The following FAM193A variants were observed in gnomAD, a reference collection of about 807,000 sequenced individuals.
FAM193A encodes family with sequence similarity 193 member A.
A neutral mutation model predicts 126.5 loss-of-function variants in FAM193A; 22 were observed. The ratio of observed to expected loss-of-function variants is 0.17; its 90% confidence interval spans 0.12 to 0.25. The LOEUF (loss-of-function observed/expected upper bound fraction) is 0.25. Ranked by LOEUF, FAM193A falls within the 10% of genes least tolerant of loss-of-function variation. The pLI is 1.00. For missense variants in FAM193A, 1,675 were observed against 1,672.8 expected (o/e 1.00, Z -0.02); for synonymous variants, 761 against 646.8 (o/e 1.18, Z -2.68).
rs145943871 is a variant in FAM193A, at chr4:2,665,739, C to T, written c.2079+2451C>T. Among the ~76,000 whole-genome samples, 428 of 152,366 alleles carry T rather than the reference C, an allele frequency of 2.8e-3. 1 individual carries two copies. The highest frequency in any genetic ancestry group is 7.7e-3 in the African/African-American group (321 of 41,584). On this transcript the variant is annotated intron_variant, in intron 12 of 20. Transcript: ENST00000637812. ...AGAGGGTCTCACTATGTTGCCCAGG[C>T]TGGTCTTGAACTTCTGGCCTCAAGC...
intron 7 of FAM193A, among the ~76,000 whole-genome samples, chr4:2,648,966 C>A (rs1012288984): frequency 2.6e-5 from 4 of 152,256 alleles, no homozygotes; most frequent in Admixed American, 6.5e-5. Flanking sequence ...TGTCCCGGAT[C>A]TGCCCCATGA....
chr4:2,687,721 C>G (rs1380389687), intron 13 of FAM193A, among the ~76,000 whole-genome samples: 1 of 152,342 alleles, frequency 6.6e-6, no homozygotes, highest in East Asian at 1.9e-4. Context: ...TCTGGTTCAT[C>G]CACAGCATTG....
chr4:2,538,028 C>G (rs888259790), intron 1 of FAM193A, among the ~76,000 whole-genome samples: 1 of 152,146 alleles, frequency 6.6e-6, no homozygotes, highest in Non-Finnish European at 1.5e-5. Flanking sequence ...TTGGCGCAGT[C>G]ATTTCCAGTT....
chr4:2,574,937 C>T (rs767719712), intron 1 of FAM193A, among the ~76,000 whole-genome samples: 2 of 152,128 alleles, frequency 1.3e-5, no homozygotes, highest in Non-Finnish European at 2.9e-5. Flanking sequence ...CTTTTGGGTT[C>T]GTGACCCGCC....
chr4:2,673,347 C>T (rs1009289092), intron 13 of FAM193A, among the ~76,000 whole-genome samples: 1 of 152,132 alleles, frequency 6.6e-6, no homozygotes, highest in Non-Finnish European at 1.5e-5. Flanking sequence ...TGTGTTTTCT[C>T]CCCTCTAGGG....
chr4:2,681,155 C>G (rs1715068534), intron 13 of FAM193A, among the ~76,000 whole-genome samples: 1 of 151,892 alleles, frequency 6.6e-6, no homozygotes, highest in Non-Finnish European at 1.5e-5. Context: ...ACTCCCAGCC[C>G]CTTTTATTTC....
intron 1 of FAM193A, among the ~76,000 whole-genome samples, chr4:2,550,801 T>G (rs1278128912): frequency 2.6e-5 from 3 of 114,608 alleles, no homozygotes; most frequent in African/African-American, 9.9e-5. Context: ...ATTTATTTAT[T>G]TATTTATTTA....
chr4:2,712,461 C>T (rs1273920028), intron 19 of FAM193A, among the ~76,000 whole-genome samples: 1 of 152,096 alleles, frequency 6.6e-6, no homozygotes, highest in Admixed American at 6.6e-5. Flanking sequence ...GTGCTTTGTG[C>T]CTGCGGCCTA....
chr4:2,718,708 C>T (rs114894702), intron 20 of FAM193A, among the ~76,000 whole-genome samples: 3,267 of 151,916 alleles, frequency 0.022, 131 homozygotes, highest in African/African-American at 0.074. Flanking sequence ...ACCTGGGTGA[C>T]GAGAGCCCTG....
chr4:2,692,062 C>T (rs1716449171), intron 15 of FAM193A, among the ~76,000 whole-genome samples: 1 of 152,176 alleles, frequency 6.6e-6, no homozygotes, highest in Non-Finnish European at 1.5e-5. Context: ...CCATAGGGTA[C>T]TGACAGATTA....
chr4:2,620,299 A>C (rs1350877998), intron 2 of FAM193A, among the ~76,000 whole-genome samples: 1 of 152,056 alleles, frequency 6.6e-6, no homozygotes, highest in Non-Finnish European at 1.5e-5. Context: ...TGCTTTTCTG[A>C]GTGTACTGCG....
chr4:2,581,046 G>A lies in FAM193A; in HGVS notation c.256-15038G>A, dbSNP rs925302805. Among the ~76,000 whole-genome samples, 4 of 151,698 alleles carry A rather than the reference G, an allele frequency of 2.6e-5. No individual in the cohort carries two copies. The South Asian group carries it at 6.3e-4, about 24-fold the overall frequency. ...CGGGAGGCTGAGGCAGGAGAATGGC[G>A]TGAACCCGGGAGGCGGAGGTTGCAG... On this transcript the variant is annotated intron_variant, in intron 1 of 20. Transcript: ENST00000637812.
At chr4:2,538,459 C>G (rs137974253) in intron 1 of FAM193A, among the ~76,000 whole-genome samples, 1 of 151,986 alleles carries the variant, frequency 6.6e-6, no homozygotes, top group Non-Finnish European at 1.5e-5. Context: ...TCCCAAAGTG[C>G]TGGGATTACA....
In FAM193A at chr4:2,700,427, A is replaced by T. The variant is rs1255402017; in HGVS notation, c.4255A>T (p.Thr1419Ser). 6.2e-7 allele frequency: 1 copy of T among 1,614,150 alleles called. No individual in the cohort carries two copies. The highest frequency in any genetic ancestry group is 1.1e-5 in the South Asian group (1 of 91,082). Residue 1419 changes from threonine to serine, a missense_variant, in exon 19 of 21, where the codon ACC (threonine) becomes TCC (serine). Thr to Ser is a moderately conservative substitution (Grantham distance 58). Coordinates refer to ENST00000637812, the MANE Select transcript of FAM193A (RefSeq NM_001366318.2). ...GTCAAACCCAACCCCTATGGAGCCCACCTCTCCCGGTGAGCATCAGCAGAA... is the reference window on the plus strand; with the variant it reads ...GTCAAACCCAACCCCTATGGAGCCCTCCTCTCCCGGTGAGCATCAGCAGAA... ...EKSNPTPMEP[T>S]SPGEHQQNSK...
chr4:2,708,090 T>A, intron 19 of FAM193A: 2 of 437,734 alleles, frequency 4.6e-6, no homozygotes, highest in Non-Finnish European at 9.1e-6. Context: ...CCTAACTGGT[T>A]ATTTATTTGT....
Position 2,639,827 on chromosome 4 carries a change from G to A in FAM193A, c.1131G>A (p.Gln377=). Residue 377 remains glutamine, a synonymous_variant, in exon 6 of 21, where the codon CAG becomes CAA. Transcript: ENST00000637812. ...ENLVFSEPLL[Q]SNLPALVSQI... is the part of the protein sequence containing the mutation. ...TGGTCTTTTCGGAGCCACTTCTTCA[G>A]AGCAACTTGCCCGCACTGGTGTCAC... The A allele has an allele frequency of 6.2e-7, 1 of 1,614,074 alleles. No homozygotes were observed. Among genetic ancestry groups the A allele is most frequent in the Non-Finnish European group, 8.5e-7 (1 of 1,179,992 alleles).
intron 1 of FAM193A, among the ~76,000 whole-genome samples, chr4:2,585,419 G>T (rs1033747934): frequency 2.0e-5 from 3 of 152,142 alleles, no homozygotes; most frequent in African/African-American, 7.2e-5. Context: ...CAGCCTCTCT[G>T]GTGGGTAAAT....
At chr4:2,563,369 G>C (rs137932253) in intron 1 of FAM193A, among the ~76,000 whole-genome samples, 9 of 152,142 alleles carry the variant, frequency 5.9e-5, no homozygotes, top group African/African-American at 2.2e-4. Flanking sequence ...CACTCAGTCA[G>C]TACATTCTTG....
chr4:2,567,441 T>C (rs955058483), intron 1 of FAM193A, among the ~76,000 whole-genome samples: 1 of 152,178 alleles, frequency 6.6e-6, no homozygotes, highest in Non-Finnish European at 1.5e-5. Flanking sequence ...AATAATTGAA[T>C]TTAGAGTACT....
Sources: gnomAD v4.1 joint callset for allele counts (sites outside exome capture counted in the v4.1 genomes callset) on GRCh38, gnomAD v4.1.1 for gene constraint, MANE v1.5 for transcripts, NCBI Gene and HGNC (gene_info 2026-07-23, HGNC 2026-07-21) for gene names.